Variants in MIGA2 observed in about 807,000 individuals in gnomAD.
The protein encoded by MIGA2 is family with sequence similarity 73, member B.
MIGA2 carries 36 observed loss-of-function variants against 69.9 expected under a neutral mutation model. The ratio of observed to expected loss-of-function variants is 0.52; its 90% CI spans 0.39 to 0.68. The LOEUF is 0.68. MIGA2 is among the 30% of genes least tolerant of loss of function. The pLI is 0.00. For synonymous variants in MIGA2, 333 were observed against 349.2 expected, an observed-to-expected ratio of 0.95 and a Z score of 0.52; for missense variants, 660 against 787.7, an observed-to-expected ratio of 0.84 and a Z score of 1.94.
intron 6 of MIGA2, among the ~76,000 whole-genome samples, chr9:129,054,081 C>T (rs1845681248): frequency 6.6e-6 from 1 of 152,074 alleles, no homozygotes; most frequent in Non-Finnish European, 1.5e-5. Context: ...CTAAACTGTA[C>T]AATTGAGTAG....
intron 3 of MIGA2, among the ~76,000 whole-genome samples, chr9:129,044,283 G>A (rs1385799497): frequency 1.3e-5 from 2 of 151,516 alleles, no homozygotes; most frequent in East Asian, 3.9e-4. Flanking sequence ...GAGCCACCGT[G>A]CCTGGCCCCT....
At chr9:129,044,182 T>TG (rs554278520) in intron 3 of MIGA2, among the ~76,000 whole-genome samples, 164 of 150,290 alleles carry the variant, frequency 1.1e-3, no homozygotes, top group African/African-American at 3.9e-3. Context: ...TGAGTAGAGT[T>TG]GGGGTTTCAC....
intron 3 of MIGA2, among the ~76,000 whole-genome samples, chr9:129,046,133 G>A (rs955616779): frequency 2.6e-5 from 4 of 152,062 alleles, no homozygotes; most frequent in African/African-American, 9.7e-5. Context: ...GATTACAGGT[G>A]TGAGCCACTG....
intron 11 of MIGA2, among the ~76,000 whole-genome samples, chr9:129,065,001 T>C (rs1002439292): frequency 1.3e-5 from 2 of 152,048 alleles, no homozygotes; most frequent in African/African-American, 4.8e-5. Context: ...CAGGAAGATC[T>C]CAAACTCCTG....
intron 3 of MIGA2, among the ~76,000 whole-genome samples, 159 bp from the exon 4 acceptor site, chr9:129,048,268 C>T (rs985300817): frequency 2.6e-5 from 4 of 152,186 alleles, no homozygotes; most frequent in African/African-American, 9.6e-5. Flanking sequence ...GCGCTTTTCT[C>T]CTGAGTGCAC....
rs1485212184 is a variant in MIGA2, at chr9:129,069,653, A to G, written c.1459-196A>G. On this transcript the variant is annotated intron_variant, in intron 14 of 15. Transcript: ENST00000684074. The surrounding 1 kb of genome is among the most constrained non-coding windows in gnomAD (Gnocchi z 4.9). ...TATGGCCCCACCTCTTGCAGTACTC[A>G]CAGCGGCCCATGGTTACCCTGTCTG... 6 of 611,828 alleles carry G rather than the reference A, an allele frequency of 9.8e-6. No individual in the cohort carries two copies. The South Asian group carries it at 1.1e-4, about 11-fold the overall frequency. The allele number at this position is 611,828 out of a possible 1,614,324, so 37.9% of individuals were successfully genotyped here.
At chr9:129,038,871 C>T (rs1447600355) in intron 1 of MIGA2, among the ~76,000 whole-genome samples, 1 of 143,846 alleles carries the variant, frequency 7.0e-6, no homozygotes, top group Non-Finnish European at 1.5e-5. Context: ...TCTAGGCTCA[C>T]TGCAACCTCT....
intron 4 of MIGA2, among the ~76,000 whole-genome samples, chr9:129,048,936 C>T (rs1434597466): frequency 6.6e-6 from 1 of 152,166 alleles, no homozygotes; most frequent in African/African-American, 2.4e-5. Flanking sequence ...CAAGCAGAGT[C>T]CCAGCTATGA....
In MIGA2 at chr9:129,068,483, C is replaced by A; in HGVS notation, c.1404+151C>A. On this transcript the variant is annotated intron_variant, in intron 13 of 15. Transcript: ENST00000684074. This position sits in a 1 kb window ranked among gnomAD's most constrained non-coding sequence, Gnocchi z 4.1. ...GCCAGGCCTGGGAGACCAGAGTCTG[C>A]CCTGGAGAAGCCTCCAGGGTGCCCC... The A allele has an allele frequency of 2.7e-6, 3 of 1,102,076 alleles. No homozygotes were observed. The highest frequency in any genetic ancestry group is 1.6e-5 in the African/African-American group (1 of 63,804). The allele number at this position is 1,102,076 out of a possible 1,614,324, so 68.3% of individuals were successfully genotyped here. A position where few individuals can be genotyped will look rare whatever the true frequency, so the allele number is the denominator to read the frequency against.
chr9:129,045,262 T>A (rs1845154274), intron 3 of MIGA2, among the ~76,000 whole-genome samples: 1 of 147,082 alleles, frequency 6.8e-6, no homozygotes, highest in Admixed American at 6.8e-5. Context: ...GCCAACATGG[T>A]GAAACCCCCT....
chr9:129,046,358 A>G (rs748290479), intron 3 of MIGA2, among the ~76,000 whole-genome samples: 30 of 151,906 alleles, frequency 2.0e-4, no homozygotes, highest in Non-Finnish European at 4.1e-4. Context: ...TTGGCCATGT[A>G]TAGTGGCTTG....
At chr9:129,053,115 A>G (rs189563771) in intron 6 of MIGA2, among the ~76,000 whole-genome samples, 1 of 152,328 alleles carries the variant, frequency 6.6e-6, no homozygotes, top group African/African-American at 2.4e-5. Flanking sequence ...GTCTGATCCC[A>G]GACTCTGATC....
rs886540638 is a variant in MIGA2, at chr9:129,057,382, C to G, written c.676-1772C>G. ...GATCTCGGCTCACTGCAAGCTCCCCCTCCCGGGTTCATGCCATCCTCCTGT... is the reference window on the plus strand; with the variant it reads ...GATCTCGGCTCACTGCAAGCTCCCCGTCCCGGGTTCATGCCATCCTCCTGT... On this transcript the variant is annotated intron_variant, in intron 6 of 15. Transcript: ENST00000684074. Among the ~76,000 whole-genome samples the G allele has an allele frequency of 9.9e-5, 15 of 152,002 alleles. No homozygotes were observed. In the East Asian group the frequency reaches 1.6e-3, roughly 16 times the overall value.
At chr9:129,051,178 C>G (rs1178312578) in intron 6 of MIGA2, 1 of 159,016 alleles carries the variant, frequency 6.3e-6, no homozygotes, top group Non-Finnish European at 1.4e-5. Context: ...GCGTGAGCTA[C>G]CGCGCCTGGG....
Position 129,069,315 on chromosome 9 carries a change from C to G in MIGA2, c.1458+186C>G. 1 of 681,424 alleles carries G rather than the reference C, an allele frequency of 1.5e-6. No homozygotes were observed. 42.2% of individuals were successfully genotyped at this position (681,424 alleles called of 1,614,324 possible). A position where few individuals can be genotyped will look rare whatever the true frequency, so the allele number is the denominator to read the frequency against. On this transcript the variant is annotated intron_variant, in intron 14 of 15. Coordinates refer to ENST00000684074, the MANE Select transcript of MIGA2 (RefSeq NM_001329990.2). This position sits in a 1 kb window ranked among gnomAD's most constrained non-coding sequence, Gnocchi z 4.9. ...CTGGAGGCTCGTGTAGACCCACTTC[C>G]TCTCCTCCCCAGGCCCAGCACAGAG...
At chr9:129,051,823 A>C (rs1253837803) in intron 6 of MIGA2, among the ~76,000 whole-genome samples, 5 of 145,378 alleles carry the variant, frequency 3.4e-5, no homozygotes, top group African/African-American at 1.3e-4. Context: ...GTAATTAATT[A>C]ATTAATTAAT....
rs1000889245 is a variant in MIGA2, at chr9:129,059,483, G to T, written c.793+212G>T. Among the ~76,000 whole-genome samples the T allele has an allele frequency of 6.6e-6, 1 of 152,210 alleles. No individual in the cohort carries two copies. The highest frequency in any genetic ancestry group is 1.5e-5 in the Non-Finnish European group (1 of 68,038). ...CATGGCAGGCTGGAGCAGAGCTGAG[G>T]TGAGGCCCAGAATCCCCAGCAAGTG... is the stretch of plus-strand genomic sequence containing the variant. On this transcript the variant is annotated intron_variant, in intron 7 of 15. Transcript: ENST00000684074. The surrounding 1 kb of genome is among the most constrained non-coding windows in gnomAD (Gnocchi z 5.6).
chr9:129,054,933 C>A (rs1845717187), intron 6 of MIGA2, among the ~76,000 whole-genome samples: 1 of 152,174 alleles, frequency 6.6e-6, no homozygotes, highest in Non-Finnish European at 1.5e-5. Flanking sequence ...GCTCTGTCGC[C>A]CTGGCTGGCG....
At chr9:129,070,119 G>A in intron 15 of MIGA2, 128 bp from the exon 16 acceptor site, 1 of 1,277,740 alleles carries the variant, frequency 7.8e-7, no homozygotes, top group Non-Finnish European at 1.1e-6. Context: ...AGCAGTGGGA[G>A]GGAGGAGCCT....
Sources: gnomAD v4.1 joint callset for allele counts (sites outside exome capture counted in the v4.1 genomes callset) on GRCh38, gnomAD v4.1.1 for gene constraint, Gnocchi (gnomAD v3.1) non-coding constraint, MANE v1.5 for transcripts, NCBI Gene and HGNC (gene_info 2026-07-23, HGNC 2026-07-21) for gene names.